Variants in PXDN observed in about 807,000 individuals in gnomAD.
PXDN encodes the protein peroxidasin, also known as peroxidasin homolog.
PXDN carries 77 observed loss-of-function variants against 140.3 expected under a neutral mutation model. That is an observed-to-expected ratio of 0.55 (90% CI 0.46 to 0.66). PXDN has a LOEUF of 0.66. PXDN is among the 30% of genes least tolerant of loss of function. The pLI is 0.00. For synonymous variants in PXDN, 911 were observed against 857.4 expected (o/e 1.06, Z -1.09); for missense variants, 1,838 against 2,039.5 (o/e 0.90, Z 1.90).
At chr2:1,731,487 C>T (rs769183424) in intron 1 of PXDN, among the ~76,000 whole-genome samples, 2 of 152,176 alleles carry the variant, frequency 1.3e-5, no homozygotes, top group Non-Finnish European at 2.9e-5. Context: ...TCTCCCCTTC[C>T]GTGACAGCTT....
At position 1,648,857 on chromosome 2, in the gene PXDN, C is replaced by T; in HGVS notation, c.2923G>A (p.Asp975Asn). 1.2e-6 allele frequency: 2 copies of T among 1,600,032 alleles called. No homozygotes were observed. The highest frequency in any genetic ancestry group is 1.7e-6 in the Non-Finnish European group (2 of 1,176,210). Residue 975 changes from aspartate (D) to asparagine (N), a missense_variant, in exon 17 of 23, where the codon GAC becomes AAC. Physicochemically the swap from Asp to Asn is conservative, Grantham distance 23. This residue lies in a region of PXDN where 850 missense variants were observed against 894.1 expected (regional missense o/e 0.95). Coordinates refer to ENST00000252804, the MANE Select transcript of PXDN (RefSeq NM_012293.3). This position sits in a 1 kb window ranked among gnomAD's most constrained non-coding sequence, Gnocchi z 8.9. Reference protein sequence around the residue: ...ESPIPCFLAGDHRANEQLGLT... With the variant: ...ESPIPCFLAGNHRANEQLGLT... ...CCCAGCTGCTCGTTGGCGCGGTGGT[C>T]CCCGGCCAGGAAGCAGGGGATGGGG...
In PXDN at chr2:1,666,503, G is replaced by A. The variant is rs373098514; in HGVS notation, c.1019-17C>T. ...TGGGTCGAGCTGTCACAATTAAACAGAAATTCTCAATTAATTTCTCCCGGT... is the reference window on the plus strand; with the variant it reads ...TGGGTCGAGCTGTCACAATTAAACAAAAATTCTCAATTAATTTCTCCCGGT... On this transcript the variant is annotated splice_polypyrimidine_tract_variant and intron_variant, in intron 9 of 22. Coordinates refer to ENST00000252804, the MANE Select transcript of PXDN (RefSeq NM_012293.3). The A allele has an allele frequency of 4.4e-6, 7 of 1,574,704 alleles. No homozygotes were observed. The African/African-American group carries it at 8.1e-5, about 18-fold the overall frequency.
chr2:1,657,068 T>A (rs1435013210), intron 14 of PXDN, among the ~76,000 whole-genome samples: 3 of 149,780 alleles, frequency 2.0e-5, no homozygotes, highest in Non-Finnish European at 4.4e-5. Flanking sequence ...GAATGAAACT[T>A]GGCCCCTCCT....
intron 1 of PXDN, among the ~76,000 whole-genome samples, chr2:1,736,057 T>C (rs1240429869): frequency 6.6e-6 from 1 of 152,204 alleles, no homozygotes; most frequent in Non-Finnish European, 1.5e-5. Flanking sequence ...GCTCCAAACG[T>C]TCCTTCTGCA....
At chr2:1,700,546 C>T (rs532915770) in intron 1 of PXDN, among the ~76,000 whole-genome samples, 4 of 152,216 alleles carry the variant, frequency 2.6e-5, no homozygotes, top group East Asian at 1.9e-4. Flanking sequence ...TAAATCACGG[C>T]GATGATGTTG....
chr2:1,638,177 T>C (rs190233481), intron 21 of PXDN, among the ~76,000 whole-genome samples: 35 of 152,292 alleles, frequency 2.3e-4, no homozygotes, highest in Middle Eastern at 3.4e-3. Flanking sequence ...CCTGCGCACC[T>C]TGGGAATCCC....
rs1682488140 is a variant in PXDN, at chr2:1,634,250, G to T, written c.4394C>A (p.Ala1465Asp). ...CTTCTGTAAGCAGACTGGACAGCAG[G>T]CCCCTGGGATGTTCACGGGGACAGC... ...TCAVPVNIPG[A>D]CCPVCLQKRA... Residue 1465 changes from alanine (A) to aspartate (D), a missense_variant, in exon 23 of 23, where the codon GCC becomes GAC. Around this residue, in one of 5 missense-constraint regions of PXDN, gnomAD observed 850 missense variants for 894.1 expected, o/e 0.95. Transcript: ENST00000252804. The T allele has an allele frequency of 1.9e-6, 3 of 1,606,856 alleles. 1 individual carries two copies. Among genetic ancestry groups the T allele is most frequent in the Middle Eastern group, 3.3e-4 (2 of 6,052 alleles).
chr2:1,727,463 G>T (rs62116646), intron 1 of PXDN, among the ~76,000 whole-genome samples: 28,499 of 152,214 alleles, frequency 0.19, 3,218 homozygotes, highest in East Asian at 0.45. Context: ...GACCCCTACA[G>T]ATGGGGAAGC....
At chr2:1,679,019 G>A (rs141499075) in intron 7 of PXDN, among the ~76,000 whole-genome samples, 170 of 152,074 alleles carry the variant, frequency 1.1e-3, no homozygotes, top group African/African-American at 4.0e-3. Context: ...TATTTTTGTC[G>A]TATTACAAAA....
intron 1 of PXDN, among the ~76,000 whole-genome samples, chr2:1,711,168 C>T (rs1206244292): frequency 3.3e-5 from 4 of 119,734 alleles, no homozygotes; most frequent in Admixed American, 8.0e-5. Context: ...TCCACCAGCA[C>T]CCACTCTCCA....
At chr2:1,682,575 C>T (rs919923928) in intron 6 of PXDN, among the ~76,000 whole-genome samples, 1 of 152,214 alleles carries the variant, frequency 6.6e-6, no homozygotes, top group African/African-American at 2.4e-5. Context: ...CAACTTTCTC[C>T]ACCAGTCCTA....
rs1380036826 is a variant in PXDN, at chr2:1,649,166, C to T, written c.2614G>A (p.Gly872Arg). The part of the protein sequence containing the change: ...IPPNDSRARS[G>R]ARCMFFVRSS... ...CGCACGAAGAACATGCAGCGGGCCC[C>T]GCTCCTGGCCCGGGAGTCATTGGGG... Residue 872 changes from glycine to arginine, a missense_variant, in exon 17 of 23, where the codon GGG (glycine) becomes AGG (arginine). Transcript: ENST00000252804. This position sits in a 1 kb window ranked among gnomAD's most constrained non-coding sequence, Gnocchi z 7.1. 11 of 1,612,052 alleles carry T rather than the reference C, an allele frequency of 6.8e-6. No individual in the cohort carries two copies. The highest frequency in any genetic ancestry group is 2.2e-5 in the East Asian group (1 of 44,812).
chr2:1,651,280 C>A lies in PXDN; in HGVS notation c.2105-1605G>T, dbSNP rs1401742961. Reference sequence around the variant, plus strand: ...TGGGGCTGGTCTCCGGGCTTTCCTCCAGAATGTTCACTTTTTCCGTGGCGT... The same window carrying A: ...TGGGGCTGGTCTCCGGGCTTTCCTCAAGAATGTTCACTTTTTCCGTGGCGT... On this transcript the variant is annotated intron_variant, in intron 16 of 22. Transcript: ENST00000252804. This position sits in a 1 kb window ranked among gnomAD's most constrained non-coding sequence, Gnocchi z 4.4. 6.6e-6 allele frequency among the ~76,000 whole-genome samples: 1 copy of A among 152,148 alleles called. No homozygotes were observed. Among genetic ancestry groups the A allele is most frequent in the Non-Finnish European group, 1.5e-5 (1 of 68,028 alleles).
rs748974745 is a variant in PXDN at position 1,680,311 on chromosome 2, C to T, written c.612G>A (p.Ala204=). ...ACTCCGCGTAGGTTTTCAGCAAATC[C>T]GCCAACCACAGGATTTCACAGTCGC... ...LHCDCEILWL[A]DLLKTYAESG... Residue 204 remains alanine, a synonymous_variant, in exon 7 of 23, where the codon GCG becomes GCA. Coordinates refer to ENST00000252804, the MANE Select transcript of PXDN (RefSeq NM_012293.3). 113 of 1,613,910 alleles carry T rather than the reference C, an allele frequency of 7.0e-5. 1 individual carries two copies. In the Admixed American group the frequency reaches 1.2e-3, roughly 18 times the overall value.
intron 7 of PXDN, among the ~76,000 whole-genome samples, chr2:1,678,923 C>T (rs1328692341): frequency 1.3e-5 from 2 of 152,188 alleles, no homozygotes; most frequent in African/African-American, 4.8e-5. Context: ...GTACCCCCAG[C>T]CACCAGGCCG....
intron 1 of PXDN, among the ~76,000 whole-genome samples, chr2:1,728,889 T>C (rs1050411529): frequency 8.5e-5 from 13 of 152,330 alleles, no homozygotes; most frequent in African/African-American, 2.6e-4. Context: ...GCGAGTCCTC[T>C]AGAAGCGAGA....
intron 11 of PXDN, chr2:1,664,000 AG>A: frequency 3.7e-6 from 2 of 533,880 alleles, no homozygotes; most frequent in East Asian, 6.3e-5. Context: ...CAGAGGGAAA[AG>A]CACTACACAG....
At position 1,684,156 on chromosome 2, in the gene PXDN, A is replaced by G. The variant is rs779555031; in HGVS notation, c.417-5T>C. The G allele has an allele frequency of 1.5e-5, 23 of 1,563,982 alleles. No homozygotes were observed. The South Asian group carries it at 2.4e-4, about 16-fold the overall frequency. ...ATCTGATTAAAGTGCAGGTATCTAG[A>G]GGAGTTAAAAGAAAAAAAAGTATAA... On this transcript the variant is annotated splice_polypyrimidine_tract_variant and splice_region_variant and intron_variant, in intron 4 of 22. Transcript: ENST00000252804.
Position 1,639,395 on chromosome 2 carries a change from G to T in PXDN, c.3980C>A (p.Ala1327Asp), listed in dbSNP as rs1329563832. ...EDCRTRGQFN[A>D]FSYHFRGRRS... Reference sequence around the variant, plus strand: ...TCTGCCTCGGAAATGATAGGAAAAGGCATTGAACTGCCCCCTGGTCCTACA... The same window carrying T: ...TCTGCCTCGGAAATGATAGGAAAAGTCATTGAACTGCCCCCTGGTCCTACA... The change falls in exon 20 of 23, where the codon GCC (alanine) becomes GAC (aspartate). Residue 1327 changes from alanine to aspartate, a missense_variant. Physicochemically the swap from Ala to Asp is moderately radical, Grantham distance 126. This residue lies in a region of PXDN where 850 missense variants were observed against 894.1 expected (regional missense o/e 0.95). Transcript: ENST00000252804. The surrounding 1 kb of genome is among the most constrained non-coding windows in gnomAD (Gnocchi z 5.0). The T allele has an allele frequency of 6.2e-7, 1 of 1,613,898 alleles. No individual in the cohort carries two copies. Among genetic ancestry groups the T allele is most frequent in the Admixed American group, 1.7e-5 (1 of 60,004 alleles).
Sources: gnomAD v4.1 joint callset for allele counts (sites outside exome capture counted in the v4.1 genomes callset) on GRCh38, gnomAD v4.1.1 for gene constraint, gnomAD v4.1.1 regional missense constraint, Gnocchi (gnomAD v3.1) non-coding constraint, MANE v1.5 for transcripts, NCBI Gene and HGNC (gene_info 2026-07-23, HGNC 2026-07-21) for gene names.